The following NRXN3 variants were observed in gnomAD, a reference collection of about 807,000 sequenced individuals.
NRXN3 encodes the protein neurexin III.
In NRXN3, 32 loss-of-function variants were observed where a neutral mutation model predicts 137.6. That is an observed-to-expected ratio of 0.23 (90% CI 0.18 to 0.31). The LOEUF (loss-of-function observed/expected upper bound fraction) is 0.31. Ranked by LOEUF, NRXN3 falls within the 10% of genes least tolerant of loss-of-function variation. The pLI is 1.00. For missense variants in NRXN3, 1,574 were observed against 2,062.5 expected, an observed-to-expected ratio of 0.76 and a Z score of 4.59; for synonymous variants, 798 against 784.5, an observed-to-expected ratio of 1.02 and a Z score of -0.29.
chr14:78,969,959 T>G (rs545795816), intron 14 of NRXN3, among the ~76,000 whole-genome samples: 1 of 152,222 alleles, frequency 6.6e-6, no homozygotes, highest in East Asian at 1.9e-4. Context: ...CTCCTTGGCT[T>G]GCTTTTAGTT....
At chr14:79,563,208 A>G (rs2097517383) in intron 16 of NRXN3, among the ~76,000 whole-genome samples, 1 of 152,188 alleles carries the variant, frequency 6.6e-6, no homozygotes, top group Non-Finnish European at 1.5e-5. Context: ...TATTAGAGCG[A>G]GGATCTAGTG....
rs1176826786 is a variant in NRXN3 at position 78,851,875 on chromosome 14, G to A, written c.2275+41531G>A. Among the ~76,000 whole-genome samples the A allele has an allele frequency of 2.0e-5, 3 of 152,058 alleles. No individual in the cohort carries two copies. The East Asian group carries it at 5.8e-4, about 29-fold the overall frequency. On this transcript the variant is annotated intron_variant, in intron 10 of 20. Transcript: ENST00000335750. ...TTCTAGCAAAAGCATCTTTGAGGCT[G>A]TCATGTGGCAAGAATTGTGGTTATC...
intron 10 of NRXN3, among the ~76,000 whole-genome samples, chr14:78,833,941 G>C (rs2098989247): frequency 6.6e-6 from 1 of 152,142 alleles, no homozygotes; most frequent in Admixed American, 6.5e-5. Context: ...TATTTTAGAG[G>C]AGACAGGTCA....
intron 19 of NRXN3, among the ~76,000 whole-genome samples, chr14:79,790,329 CT>C (rs34130780): frequency 0.48 from 72,019 of 151,054 alleles, 18,104 homozygotes; most frequent in Middle Eastern, 0.63. Context: ...AGGCGCCACC[CT>C]TTTTTTTATT....
At chr14:78,778,683 T>C (rs1388582756) in intron 8 of NRXN3, among the ~76,000 whole-genome samples, 1 of 70,116 alleles carries the variant, frequency 1.4e-5, no homozygotes, top group Admixed American at 1.4e-4. Context: ...TTTTCTTTTC[T>C]TTCTTTCTTT....
intron 20 of NRXN3, among the ~76,000 whole-genome samples, chr14:79,856,501 G>T (rs943350535): frequency 1.3e-5 from 2 of 152,100 alleles, no homozygotes; most frequent in African/African-American, 4.8e-5. Context: ...TTCAAGCATG[G>T]TGTCCTGTCC....
At chr14:78,191,022 G>A (rs1183618236) in intron 1 of NRXN3, among the ~76,000 whole-genome samples, 1 of 152,122 alleles carries the variant, frequency 6.6e-6, no homozygotes, top group South Asian at 2.1e-4. Flanking sequence ...TTCTAACCAG[G>A]TAAGCGTCCT....
At chr14:78,922,088 C>A (rs31349) in intron 10 of NRXN3, among the ~76,000 whole-genome samples, 47,472 of 152,058 alleles carry the variant, frequency 0.31, 8,963 homozygotes, top group African/African-American at 0.52. Flanking sequence ...ACTTACAAAT[C>A]ACTTCCTTTC....
chr14:78,262,862 C>T (rs1255218566), intron 2 of NRXN3, among the ~76,000 whole-genome samples: 3 of 152,280 alleles, frequency 2.0e-5, no homozygotes, highest in East Asian at 3.9e-4. Context: ...CCTCTTACTA[C>T]GTTTCGGGCA....
At chr14:78,574,643 A>G (rs1034338751) in intron 4 of NRXN3, among the ~76,000 whole-genome samples, 6 of 152,216 alleles carry the variant, frequency 3.9e-5, no homozygotes, top group African/African-American at 1.4e-4. Context: ...TATTCACCCA[A>G]TGCCTGTAAC....
intron 20 of NRXN3, among the ~76,000 whole-genome samples, chr14:79,828,463 T>A (rs2141193718): frequency 6.6e-6 from 1 of 151,536 alleles, no homozygotes; most frequent in South Asian, 2.1e-4. Flanking sequence ...CTGCTAAAAA[T>A]TCAAAAATTA....
At chr14:78,815,312 T>G (rs2098928486) in intron 10 of NRXN3, among the ~76,000 whole-genome samples, 3 of 152,150 alleles carry the variant, frequency 2.0e-5, no homozygotes. Context: ...ATCTTGTGTA[T>G]TCCCTATATA....
At chr14:79,099,818 C>T (rs1047511780) in intron 15 of NRXN3, among the ~76,000 whole-genome samples, 1 of 152,096 alleles carries the variant, frequency 6.6e-6, no homozygotes, top group Non-Finnish European at 1.5e-5. Context: ...AAATGTTGAT[C>T]ATTTTGTTTT....
chr14:78,778,768 CTT>C (rs769415618), intron 8 of NRXN3, among the ~76,000 whole-genome samples: 35 of 57,434 alleles, frequency 6.1e-4, no homozygotes, highest in Admixed American at 7.6e-4. Context: ...CTCTTTCTTT[CTT>C]TCTTTCTTTC....
At chr14:78,647,902 A>T (rs1487149293) in intron 5 of NRXN3, among the ~76,000 whole-genome samples, 1 of 152,190 alleles carries the variant, frequency 6.6e-6, no homozygotes, top group Non-Finnish European at 1.5e-5. Flanking sequence ...GAGCTCCATA[A>T]ATATTTGACA....
At chr14:78,769,215 T>G (rs1194779977) in intron 8 of NRXN3, among the ~76,000 whole-genome samples, 1 of 152,252 alleles carries the variant, frequency 6.6e-6, no homozygotes, top group Admixed American at 6.5e-5. Flanking sequence ...GAAGCTCTTG[T>G]GATAGAAACC....
chr14:79,841,993 G>A (rs550423783), intron 20 of NRXN3, among the ~76,000 whole-genome samples: 1 of 152,344 alleles, frequency 6.6e-6, no homozygotes, highest in South Asian at 2.1e-4. Flanking sequence ...CCACTGCCTT[G>A]TGTGGGCAAA....
chr14:79,065,470 A>G (rs960438682), intron 15 of NRXN3, among the ~76,000 whole-genome samples: 4 of 152,160 alleles, frequency 2.6e-5, no homozygotes, highest in Non-Finnish European at 4.4e-5. Context: ...CCTATGGCAG[A>G]TATTTTGAAT....
intron 15 of NRXN3, among the ~76,000 whole-genome samples, chr14:79,235,276 T>G (rs1046845061): frequency 2.0e-5 from 3 of 152,176 alleles, no homozygotes; most frequent in African/African-American, 7.2e-5. Context: ...TCAAGTATGA[T>G]AAAAGGAAAA....
Sources: gnomAD v4.1 joint callset for allele counts (sites outside exome capture counted in the v4.1 genomes callset) on GRCh38, gnomAD v4.1.1 for gene constraint, MANE v1.5 for transcripts, NCBI Gene and HGNC (gene_info 2026-07-23, HGNC 2026-07-21) for gene names.